OSBP2: variants seen among roughly 807,000 people sequenced by gnomAD.
OSBP2 encodes oxysterol binding protein 2.
A neutral mutation model predicts 96.0 loss-of-function variants in OSBP2; 66 were observed. That is an observed-to-expected ratio of 0.69 (90% CI 0.56 to 0.84). OSBP2 has a LOEUF of 0.84. Ranked by LOEUF, OSBP2 falls within the 40% of genes least tolerant of loss-of-function variation. OSBP2 has a pLI of 0.00. For missense variants in OSBP2, 1,038 were observed against 1,222.7 expected (o/e 0.85, Z 2.25); for synonymous variants, 525 against 520.9 (o/e 1.01, Z -0.11).
rs573606154 is a variant in OSBP2 at position 30,866,673 on chromosome 22, G to T, written c.854-3756G>T. Among the ~76,000 whole-genome samples the T allele has an allele frequency of 5.6e-4, 85 of 152,276 alleles. 1 individual carries two copies. Among genetic ancestry groups the T allele is most frequent in the African/African-American group, 2.0e-3 (82 of 41,554 alleles). The stretch of plus-strand genomic sequence containing the variant: ...AATCGCGTGAACCTGGGAGGTGGAG[G>T]TTGCAGTGAACCGAGATTGCGCCAC... On this transcript the variant is annotated intron_variant, in intron 2 of 13. Coordinates refer to ENST00000332585, the MANE Select transcript of OSBP2 (RefSeq NM_030758.4).
chr22:30,735,719 C>G (rs1360342076), intron 1 of OSBP2, among the ~76,000 whole-genome samples: 1 of 151,774 alleles, frequency 6.6e-6, no homozygotes, highest in Non-Finnish European at 1.5e-5. Flanking sequence ...TCTTCTTCTT[C>G]TTCTTTTTTT....
chr22:30,904,743 C>CCATA (rs887366331), intron 12 of OSBP2, among the ~76,000 whole-genome samples: 54 of 152,252 alleles, frequency 3.5e-4, no homozygotes, highest in African/African-American at 1.3e-3. Flanking sequence ...CAAAAACTGC[C>CCATA]CATATACTGG....
intron 1 of OSBP2, among the ~76,000 whole-genome samples, chr22:30,735,410 C>CTTTTTTTTTTTTT (rs774749546): frequency 4.0e-5 from 4 of 100,600 alleles, no homozygotes; most frequent in Non-Finnish European, 7.8e-5. Flanking sequence ...TCTTCTCTCT[C>CTTTTTTTTTTTTT]TTTTTTTTTT....
chr22:30,741,662 T>A (rs2089938747), intron 2 of OSBP2, among the ~76,000 whole-genome samples: 1 of 152,140 alleles, frequency 6.6e-6, no homozygotes, highest in African/African-American at 2.4e-5. Flanking sequence ...TGCAGTGGGT[T>A]AGGTCCAGAA....
At chr22:30,850,032 G>A (rs2038948111) in intron 2 of OSBP2, among the ~76,000 whole-genome samples, 1 of 152,050 alleles carries the variant, frequency 6.6e-6, no homozygotes, top group Non-Finnish European at 1.5e-5. Flanking sequence ...GCTGGGCGTG[G>A]TGGCTCACAC....
rs545800074 is a variant in OSBP2 at position 30,826,799 on chromosome 22, G to A, written c.854-43630G>A. Among the ~76,000 whole-genome samples the A allele has an allele frequency of 6.2e-4, 95 of 152,334 alleles. 1 individual carries two copies. Among genetic ancestry groups the A allele is most frequent in the African/African-American group, 2.2e-3 (91 of 41,580 alleles). ...GGTGGTGTTTTCTCTCTGGTTGGGG[G>A]CCTCAGCTTCCTGTTCTTCCTCTGG... On this transcript the variant is annotated intron_variant, in intron 2 of 13. Coordinates refer to ENST00000332585, the MANE Select transcript of OSBP2 (RefSeq NM_030758.4).
chr22:30,902,040 G>T (rs1363858369), intron 12 of OSBP2, among the ~76,000 whole-genome samples: 2 of 149,970 alleles, frequency 1.3e-5, no homozygotes, highest in Admixed American at 6.7e-5. Context: ...TTCGCATGAA[G>T]GAATATATAC....
intron 2 of OSBP2, among the ~76,000 whole-genome samples, chr22:30,815,004 G>A (rs1409489223): frequency 4.6e-5 from 7 of 152,140 alleles, no homozygotes; most frequent in East Asian, 1.9e-4. Flanking sequence ...GGGCTGGGCC[G>A]GGCACGGTGG....
At position 30,874,522 on chromosome 22, in the gene OSBP2, C is replaced by CA. The variant is rs559583896; in HGVS notation, c.1107+3841dup. ...TTTAGGTCCTCAGCTCCTAGAAGGGCAGGGAGGGAGGGGGGTCCTCTGGAT... is the reference window on the plus strand; with the variant it reads ...TTTAGGTCCTCAGCTCCTAGAAGGGCAAGGGAGGGAGGGGGGTCCTCTGGAT... On this transcript the variant is annotated intron_variant, in intron 3 of 13. Coordinates refer to ENST00000332585, the MANE Select transcript of OSBP2 (RefSeq NM_030758.4). 1.5e-4 allele frequency among the ~76,000 whole-genome samples: 23 copies of CA among 151,930 alleles called. No individual in the cohort carries two copies. In the South Asian group the frequency reaches 5.1e-3, roughly 34 times the overall value.
chr22:30,706,740 C>T (rs138753388), intron 1 of OSBP2, among the ~76,000 whole-genome samples: 1 of 152,134 alleles, frequency 6.6e-6, no homozygotes, highest in Non-Finnish European at 1.5e-5. Context: ...CCTTACTCCC[C>T]CTTTGCAAGC....
intron 1 of OSBP2, among the ~76,000 whole-genome samples, chr22:30,710,099 C>T (rs547691062): frequency 2.0e-5 from 3 of 151,810 alleles, no homozygotes; most frequent in South Asian, 4.2e-4. Flanking sequence ...TTGGCCAGGC[C>T]GGTCTTGAAC....
intron 1 of OSBP2, among the ~76,000 whole-genome samples, chr22:30,723,544 G>C (rs940462327): frequency 6.6e-6 from 1 of 151,990 alleles, no homozygotes; most frequent in Non-Finnish European, 1.5e-5. Flanking sequence ...CTCCAAAGCA[G>C]CTAGGATTAC....
chr22:30,708,917 A>G (rs2089300459), intron 1 of OSBP2, among the ~76,000 whole-genome samples: 1 of 151,632 alleles, frequency 6.6e-6, no homozygotes, highest in South Asian at 2.1e-4. Flanking sequence ...CCTGACCAAC[A>G]TGGTGAAAAC....
chr22:30,874,531 AG>A (rs530169450), intron 3 of OSBP2, among the ~76,000 whole-genome samples: 26 of 148,206 alleles, frequency 1.8e-4, no homozygotes, highest in South Asian at 1.1e-3. Context: ...GCAGGGAGGG[AG>A]GGGGGTCCTC....
At chr22:30,730,774 C>CTCTA (rs1569100458) in intron 1 of OSBP2, among the ~76,000 whole-genome samples, 4 of 13,830 alleles carry the variant, frequency 2.9e-4, no homozygotes, top group Non-Finnish European at 4.1e-4. Context: ...CTCTCTCTCT[C>CTCTA]TATATATATA....
At chr22:30,852,538 A>T (rs1023546794) in intron 2 of OSBP2, among the ~76,000 whole-genome samples, 11 of 151,584 alleles carry the variant, frequency 7.3e-5, no homozygotes, top group Admixed American at 6.6e-4. Flanking sequence ...TTATTTCTTG[A>T]CTGCCCTAGC....
chr22:30,791,163 C>T (rs987694039), intron 2 of OSBP2, among the ~76,000 whole-genome samples: 4 of 151,464 alleles, frequency 2.6e-5, no homozygotes, highest in Admixed American at 6.6e-5. Flanking sequence ...TTAGAAGAGA[C>T]GGGGTTTCAC....
Position 30,730,795 on chromosome 22 carries a change from TATATATATATATAA to T in OSBP2, c.645-10365_645-10352del, listed in dbSNP as rs1569100587. The stretch of plus-strand genomic sequence containing the variant: ...CTCTCTATATATATATATATATATA[TATATATATATATAA>T]TTTTTTTTTTTTTTCCCATGGACAT... On this transcript the variant is annotated intron_variant, in intron 1 of 13. Coordinates refer to ENST00000332585, the MANE Select transcript of OSBP2 (RefSeq NM_030758.4). Among the ~76,000 whole-genome samples, 24 of 54,726 alleles carry T rather than the reference TATATATATATATAA, an allele frequency of 4.4e-4. 4 individuals carry two copies. The highest frequency in any genetic ancestry group is 0.016 in the Middle Eastern group (2 of 126). The allele number at this position is 54,726 out of a possible 152,430, so 35.9% of individuals were successfully genotyped here.
intron 2 of OSBP2, among the ~76,000 whole-genome samples, chr22:30,807,065 T>G (rs1264175860): frequency 5.3e-5 from 8 of 152,224 alleles, no homozygotes; most frequent in African/African-American, 1.9e-4. Flanking sequence ...ACACATACCC[T>G]GCCTCGATGG....
Sources: allele counts gnomAD v4.1 joint callset (sites outside exome capture counted in the v4.1 genomes callset), GRCh38; gene constraint gnomAD v4.1.1; transcripts MANE v1.5; gene names NCBI Gene and HGNC (gene_info 2026-07-23, HGNC 2026-07-21).